The following AACS variants were observed in gnomAD, a reference collection of about 807,000 sequenced individuals.
AACS encodes the protein acetoacetate-CoA ligase.
AACS carries 69 observed loss-of-function variants against 83.1 expected under a neutral mutation model. The ratio of observed to expected loss-of-function variants is 0.83; its 90% CI spans 0.68 to 1.01. The LOEUF (loss-of-function observed/expected upper bound fraction) is 1.01, where lower values mean the gene tolerates loss of function less well. Ranked by LOEUF, AACS falls within the 50% of genes least tolerant of loss-of-function variation. The pLI is 0.00. For synonymous variants in AACS, 333 were observed against 343.4 expected, an observed-to-expected ratio of 0.97 and a Z score of 0.33; for missense variants, 866 against 882.2, an observed-to-expected ratio of 0.98 and a Z score of 0.23.
intron 4 of AACS, among the ~76,000 whole-genome samples, chr12:125,087,359 A>G (rs779229966): frequency 6.6e-6 from 1 of 152,362 alleles, no homozygotes; most frequent in South Asian, 2.1e-4. Context: ...TATTTTTCTT[A>G]CAATTTTCCT....
chr12:125,126,512 C>T (rs1176062136), intron 12 of AACS: 1 of 151,800 alleles, frequency 6.6e-6, no homozygotes, highest in Non-Finnish European at 1.5e-5. Flanking sequence ...TTAGGGTACA[C>T]ACCTCAATTC....
intron 9 of AACS, 137 bp from the exon 10 acceptor site, chr12:125,118,504 T>C: frequency 8.4e-7 from 1 of 1,197,392 alleles, no homozygotes; most frequent in Non-Finnish European, 1.2e-6. Flanking sequence ...CAGAGTGTCC[T>C]GCATTTGAAA....
chr12:125,130,182 C>T lies in AACS; in HGVS notation c.1549+722C>T, dbSNP rs1957310135. 6.6e-6 allele frequency among the ~76,000 whole-genome samples: 1 copy of T among 152,186 alleles called. No homozygotes were observed. The highest frequency in any genetic ancestry group is 2.4e-5 in the African/African-American group (1 of 41,434). ...AAAGGTAATCTGGTTTAGCACAGAC[C>T]ACGTATGGAGAATCAGAAAGCGGTA... On this transcript the variant is annotated intron_variant, in intron 14 of 17. Coordinates refer to ENST00000316519, the MANE Select transcript of AACS (RefSeq NM_023928.5). The surrounding 1 kb of genome is among the most constrained non-coding windows in gnomAD (Gnocchi z 4.9).
intron 8 of AACS, among the ~76,000 whole-genome samples, chr12:125,111,271 G>A (rs775045381): frequency 4.0e-5 from 6 of 150,816 alleles, no homozygotes; most frequent in Non-Finnish European, 8.9e-5. Context: ...GTGAGCCACC[G>A]AGATGAGCAT....
intron 5 of AACS, among the ~76,000 whole-genome samples, chr12:125,091,748 G>A (rs1956491249): frequency 6.6e-6 from 1 of 152,176 alleles, no homozygotes. Flanking sequence ...GTTCATCGAA[G>A]ACGTGGGCAG....
intron 7 of AACS, among the ~76,000 whole-genome samples, chr12:125,103,433 CTGCACACGCA>C (rs1592975295): frequency 7.0e-6 from 1 of 143,416 alleles, no homozygotes; most frequent in Admixed American, 6.9e-5. Context: ...GGTGCATGCA[CTGCACACGCA>C]TGCACACGAC....
chr12:125,102,913 G>T, intron 6 of AACS, 87 bp from the exon 7 acceptor site: 1 of 1,451,630 alleles, frequency 6.9e-7, no homozygotes, highest in Non-Finnish European at 9.5e-7. Flanking sequence ...CTCTGCCCCA[G>T]ATTGTGTTAT....
chr12:125,109,358 C>T (rs1052170393), intron 8 of AACS, among the ~76,000 whole-genome samples: 1 of 152,096 alleles, frequency 6.6e-6, no homozygotes, highest in Non-Finnish European at 1.5e-5. Context: ...CTCAAGTGAT[C>T]CTCTCGCCTT....
At chr12:125,134,938 A>T in intron 16 of AACS, 86 bp downstream of exon 16, 2 of 1,478,964 alleles carry the variant, frequency 1.4e-6, no homozygotes, top group Non-Finnish European at 1.9e-6. Flanking sequence ...CACCTTTGGC[A>T]CAACTCTGGC....
At chr12:125,071,142 C>G (rs1955850784) in intron 1 of AACS, among the ~76,000 whole-genome samples, 1 of 152,174 alleles carries the variant, frequency 6.6e-6, no homozygotes, top group Non-Finnish European at 1.5e-5. Context: ...CTGGTGGTGG[C>G]AGCAAGGTAG....
intron 1 of AACS, among the ~76,000 whole-genome samples, chr12:125,069,039 C>T (rs534765951): frequency 7.3e-4 from 111 of 152,234 alleles, no homozygotes; most frequent in African/African-American, 2.6e-3. Context: ...ACGGGGGTTT[C>T]ACCATATTGG....
intron 3 of AACS, among the ~76,000 whole-genome samples, chr12:125,082,111 G>A (rs972591536): frequency 6.6e-6 from 1 of 151,540 alleles, no homozygotes; most frequent in Non-Finnish European, 1.5e-5. Flanking sequence ...CTGACCTCAA[G>A]TGATCTGCCC....
intron 5 of AACS, chr12:125,100,927 TA>T (rs1469333356): frequency 6.6e-6 from 1 of 152,250 alleles, no homozygotes; most frequent in Middle Eastern, 3.2e-3. Flanking sequence ...TTAATTAACT[TA>T]ATAGTCCCAC....
chr12:125,073,663 C>T (rs1333688620), intron 1 of AACS, among the ~76,000 whole-genome samples: 4 of 152,154 alleles, frequency 2.6e-5, no homozygotes, highest in African/African-American at 9.7e-5. Flanking sequence ...GAAGATGACT[C>T]AAAACATCAC....
Position 125,086,382 on chromosome 12 carries a change from A to G in AACS, c.411A>G (p.Glu137=), listed in dbSNP as rs1956339686. The change falls in exon 4 of 18, where the codon GAA becomes GAG. Residue 137 remains glutamate, a synonymous_variant. Transcript: ENST00000316519. ...VKVTFEELRQ[E]VALFAAAMRK... is the part of the protein sequence containing the mutation. ...TGACTTTTGAAGAGCTGAGGCAAGA[A>G]GTGGCTTTGTTTGCAGCAGCAATGA... is the stretch of plus-strand genomic sequence containing the variant. The G allele has an allele frequency of 1.2e-6, 2 of 1,614,240 alleles. No individual in the cohort carries two copies. The highest frequency in any genetic ancestry group is 1.7e-6 in the Non-Finnish European group (2 of 1,180,050).
Position 125,130,126 on chromosome 12 carries a change from A to C in AACS, c.1549+666A>C, listed in dbSNP as rs1274864235. ...CAAGCCTTCTGTTCCAGAGTTATTT[A>C]TACTCAGTACTTGCTTTCTGCAGTC... On this transcript the variant is annotated intron_variant, in intron 14 of 17. Transcript: ENST00000316519. This position sits in a 1 kb window ranked among gnomAD's most constrained non-coding sequence, Gnocchi z 4.9. Among the ~76,000 whole-genome samples, 1 of 152,196 alleles carries C rather than the reference A, an allele frequency of 6.6e-6. No homozygotes were observed. Among genetic ancestry groups the C allele is most frequent in the Non-Finnish European group, 1.5e-5 (1 of 68,034 alleles).
intron 8 of AACS, among the ~76,000 whole-genome samples, chr12:125,108,139 GA>G (rs1956873483): frequency 6.6e-6 from 1 of 152,154 alleles, no homozygotes; most frequent in Non-Finnish European, 1.5e-5. Flanking sequence ...TAGGTTATTA[GA>G]AGGCTAGGTT....
intron 5 of AACS, among the ~76,000 whole-genome samples, chr12:125,098,220 C>T (rs1281162223): frequency 3.3e-5 from 5 of 151,812 alleles, no homozygotes; most frequent in Admixed American, 1.3e-4. Context: ...ACTTGAATCC[C>T]GGAGTTTGAG....
intron 2 of AACS, among the ~76,000 whole-genome samples, chr12:125,075,088 C>T (rs1266722907): frequency 6.6e-6 from 1 of 151,134 alleles, no homozygotes; most frequent in East Asian, 1.9e-4. Flanking sequence ...GATTCTCCTG[C>T]CTCACCCTCC....
Sources: gnomAD v4.1 joint callset for allele counts (sites outside exome capture counted in the v4.1 genomes callset) on GRCh38, gnomAD v4.1.1 for gene constraint, Gnocchi (gnomAD v3.1) non-coding constraint, MANE v1.5 for transcripts, NCBI Gene and HGNC (gene_info 2026-07-23, HGNC 2026-07-21) for gene names.